DPP10: variants seen among roughly 807,000 people sequenced by gnomAD.
DPP10 encodes the protein dipeptidyl peptidase like 10, also known as inactive dipeptidyl peptidase 10.
A neutral mutation model predicts 120.9 loss-of-function variants in DPP10; 33 were observed. That is an observed-to-expected ratio of 0.27 (90% CI 0.21 to 0.37). DPP10 has a LOEUF of 0.37. Ranked by LOEUF, DPP10 falls within the 10% of genes least tolerant of loss-of-function variation. The probability of loss-of-function intolerance (pLI) is 1.00; values close to 1 mark genes in which losing one functional copy is unlikely to be tolerated. For synonymous variants in DPP10, 337 were observed against 326.1 expected (o/e 1.03, Z -0.36); for missense variants, 816 against 942.8 (o/e 0.87, Z 1.76).
intron 1 of DPP10, among the ~76,000 whole-genome samples, chr2:114,764,666 T>A (rs1172178292): frequency 6.6e-6 from 1 of 151,918 alleles, no homozygotes; most frequent in Non-Finnish European, 1.5e-5. Context: ...GAAGATAAAT[T>A]TATAATATTT....
chr2:114,563,604 T>C (rs1434841440), intron 1 of DPP10, among the ~76,000 whole-genome samples: 1 of 152,248 alleles, frequency 6.6e-6, no homozygotes, highest in Non-Finnish European at 1.5e-5. Context: ...ACATCTGCTA[T>C]TTACTCCCTC....
At chr2:115,491,176 G>A (rs746236500) in intron 3 of DPP10, among the ~76,000 whole-genome samples, 9 of 151,986 alleles carry the variant, frequency 5.9e-5, no homozygotes, top group Non-Finnish European at 1.3e-4. Flanking sequence ...CAAACCAAAC[G>A]AAAGAACTAT....
chr2:115,454,259 A>G (rs918040854), intron 3 of DPP10, among the ~76,000 whole-genome samples: 4 of 151,648 alleles, frequency 2.6e-5, no homozygotes, highest in Non-Finnish European at 5.9e-5. Flanking sequence ...TCACAAGGAA[A>G]CACAACCAAA....
intron 1 of DPP10, among the ~76,000 whole-genome samples, chr2:114,482,964 G>A (rs888976531): frequency 6.6e-6 from 1 of 152,138 alleles, no homozygotes; most frequent in Non-Finnish European, 1.5e-5. Flanking sequence ...TTTTAATTTA[G>A]TCTGACAACT....
intron 1 of DPP10, among the ~76,000 whole-genome samples, chr2:115,164,028 TG>T (rs1247455749): frequency 6.6e-6 from 1 of 152,192 alleles, no homozygotes; most frequent in African/African-American, 2.4e-5. Context: ...ATTCAGGGAG[TG>T]GCTACTTTGC....
In DPP10 at chr2:115,624,111, T is replaced by C. The variant is rs189381820; in HGVS notation, c.442-65576T>C. Reference sequence around the variant, plus strand: ...TTATTGGATTCCTGTCTTTCATATTTGTCTTTCTAAAGCACTTTAAAATCT... The same window carrying C: ...TTATTGGATTCCTGTCTTTCATATTCGTCTTTCTAAAGCACTTTAAAATCT... On this transcript the variant is annotated intron_variant, in intron 5 of 25. Coordinates refer to ENST00000410059, the MANE Select transcript of DPP10 (RefSeq NM_020868.6). 3.0e-4 allele frequency among the ~76,000 whole-genome samples: 45 copies of C among 152,234 alleles called. No individual in the cohort carries two copies. The East Asian group carries it at 7.9e-3, about 27-fold the overall frequency.
chr2:115,513,502 A>G (rs2077342000), intron 4 of DPP10, among the ~76,000 whole-genome samples: 1 of 151,556 alleles, frequency 6.6e-6, no homozygotes, highest in Non-Finnish European at 1.5e-5. Flanking sequence ...TTTCTGCTGT[A>G]TCTTTTATAT....
intron 5 of DPP10, among the ~76,000 whole-genome samples, chr2:115,542,760 G>T (rs1006223044): frequency 2.0e-5 from 3 of 151,482 alleles, no homozygotes; most frequent in South Asian, 2.1e-4. Flanking sequence ...ACAGTTTGTG[G>T]TAACTGCAGT....
intron 5 of DPP10, among the ~76,000 whole-genome samples, chr2:115,615,572 GAAAA>G (rs948864120): frequency 1.3e-5 from 2 of 151,758 alleles, no homozygotes; most frequent in African/African-American, 2.4e-5. Flanking sequence ...TTTTTATTAA[GAAAA>G]AAAGCAGAGC....
chr2:115,729,814 GAA>G (rs1324219965), intron 8 of DPP10, among the ~76,000 whole-genome samples: 1 of 3,434 alleles, frequency 2.9e-4, no homozygotes, highest in Non-Finnish European at 7.3e-4. Flanking sequence ...GAGAGAGAGA[GAA>G]GAGAGAGAGA....
chr2:115,373,582 G>T, intron 3 of DPP10, among the ~76,000 whole-genome samples: 1 of 151,896 alleles, frequency 6.6e-6, no homozygotes, highest in East Asian at 1.9e-4. Flanking sequence ...AAAATAAGTG[G>T]AAAAACTCGA....
At chr2:115,010,478 A>C (rs1315714647) in intron 1 of DPP10, among the ~76,000 whole-genome samples, 1 of 152,200 alleles carries the variant, frequency 6.6e-6, no homozygotes, top group Non-Finnish European at 1.5e-5. Flanking sequence ...ACAAAATATT[A>C]TCATTCTTTA....
chr2:114,672,566 G>A (rs549267058), intron 1 of DPP10, among the ~76,000 whole-genome samples: 1 of 152,156 alleles, frequency 6.6e-6, no homozygotes, highest in African/African-American at 2.4e-5. Context: ...GAAATATCAG[G>A]CAAGAAATGA....
intron 4 of DPP10, among the ~76,000 whole-genome samples, chr2:115,518,093 C>T (rs1308035369): frequency 6.6e-6 from 1 of 152,102 alleles, no homozygotes; most frequent in Admixed American, 6.6e-5. Context: ...CTCATGAGAA[C>T]TAATAGAGTA....
chr2:115,815,834 T>G, intron 21 of DPP10, 105 bp downstream of exon 21: 1 of 1,127,110 alleles, frequency 8.9e-7, no homozygotes, highest in Non-Finnish European at 1.3e-6. Flanking sequence ...AAGTTCCATA[T>G]TGACTGGGAT....
At chr2:115,090,686 A>C (rs6716512) in intron 1 of DPP10, among the ~76,000 whole-genome samples, 120,233 of 151,550 alleles carry the variant, frequency 0.79, 48,425 homozygotes, top group Non-Finnish European at 0.88. Context: ...GGGTTTCTGG[A>C]CGATTTTTTT....
intron 7 of DPP10, among the ~76,000 whole-genome samples, chr2:115,702,910 G>A (rs2091950287): frequency 6.6e-6 from 1 of 151,998 alleles, no homozygotes. Flanking sequence ...AGTAAGTTAG[G>A]CATTCAGTTG....
intron 1 of DPP10, among the ~76,000 whole-genome samples, chr2:115,084,521 C>T (rs191352500): frequency 6.6e-6 from 1 of 152,346 alleles, no homozygotes; most frequent in East Asian, 1.9e-4. Context: ...ACTATGATTG[C>T]AGTGCCTAAG....
intron 3 of DPP10, among the ~76,000 whole-genome samples, chr2:115,414,869 A>T (rs573181027): frequency 6.6e-6 from 1 of 151,332 alleles, no homozygotes; most frequent in Non-Finnish European, 1.5e-5. Flanking sequence ...ATGGTATACT[A>T]TCTCCAGGAA....
Sources: allele counts gnomAD v4.1 joint callset (sites outside exome capture counted in the v4.1 genomes callset), GRCh38; gene constraint gnomAD v4.1.1; transcripts MANE v1.5; gene names NCBI Gene and HGNC (gene_info 2026-07-23, HGNC 2026-07-21).